The following ADAMTS9 variants were observed in gnomAD, a reference collection of about 807,000 sequenced individuals.
ADAMTS9 encodes A disintegrin and metalloproteinase with thrombospondin motifs 9.
ADAMTS9 carries 107 observed loss-of-function variants against 257.1 expected under a neutral mutation model. The observed-to-expected ratio is 0.42, with a 90% CI of 0.36 to 0.49. The LOEUF is 0.49. ADAMTS9 is among the 20% of genes least tolerant of loss of function. The probability of loss-of-function intolerance (pLI) is 0.03; values close to 1 mark genes in which losing one functional copy is unlikely to be tolerated. For missense variants in ADAMTS9, 2,353 were observed against 2,469.1 expected (o/e 0.95, Z 1.00); for synonymous variants, 982 against 880.9 (o/e 1.11, Z -2.03).
chr3:64,651,064 G>T lies in ADAMTS9; in HGVS notation c.1416C>A (p.Pro472=), dbSNP rs748568141. 1.9e-6 allele frequency: 3 copies of T among 1,607,972 alleles called. No individual in the cohort carries two copies. Among genetic ancestry groups the T allele is most frequent in the Admixed American group, 3.4e-5 (2 of 58,724 alleles). The change falls in exon 9 of 40, where the codon CCC becomes CCA. Residue 472 remains proline, a synonymous_variant. Coordinates refer to ENST00000498707, the MANE Select transcript of ADAMTS9 (RefSeq NM_182920.2). ...MAPTLNFYTN[P]WMWSKCSRKY... is the part of the protein sequence containing the mutation. The stretch of plus-strand genomic sequence containing the variant: ...TTCGACTACACTTTGACCACATCCA[G>T]GGGTTGGTGTAGAAGTTCAGTGTTG...
intron 19 of ADAMTS9, among the ~76,000 whole-genome samples, chr3:64,618,475 T>A (rs1700021690): frequency 6.6e-6 from 1 of 152,194 alleles, no homozygotes; most frequent in African/African-American, 2.4e-5. Context: ...AGCTAGGTAT[T>A]GTGACATTAT....
At chr3:64,587,549 GA>G (rs1233126219) in intron 28 of ADAMTS9, 2 of 152,018 alleles carry the variant, frequency 1.3e-5, no homozygotes, top group Admixed American at 1.3e-4. Context: ...TTCCATAAAG[GA>G]AGGCAAAAAT....
chr3:64,561,793 A>G, intron 29 of ADAMTS9, 42 bp from the exon 30 acceptor site: 1 of 746,280 alleles, frequency 1.3e-6, no homozygotes, highest in Non-Finnish European at 1.9e-6. Context: ...CGGCTCATTT[A>G]TTTTTTGGGG....
intron 11 of ADAMTS9, among the ~76,000 whole-genome samples, chr3:64,642,376 CTAGAGAAGT>C (rs1282100018): frequency 6.6e-6 from 1 of 152,048 alleles, no homozygotes; most frequent in African/African-American, 2.4e-5. Flanking sequence ...TCAACAAGGC[CTAGAGAAGT>C]TACAAGTCTG....
intron 28 of ADAMTS9, among the ~76,000 whole-genome samples, chr3:64,591,439 C>CAA (rs1165135280): frequency 4.3e-5 from 6 of 138,570 alleles, no homozygotes; most frequent in African/African-American, 7.9e-5. Flanking sequence ...CACTCTGTCT[C>CAA]AAAAAAAAAA....
At chr3:64,644,105 A>C (rs906059611) in intron 11 of ADAMTS9, among the ~76,000 whole-genome samples, 2 of 152,242 alleles carry the variant, frequency 1.3e-5, no homozygotes, top group Non-Finnish European at 2.9e-5. Context: ...ACAACTTAGC[A>C]CATGGGGGAC....
chr3:64,683,904 A>G (rs950654566), intron 2 of ADAMTS9, among the ~76,000 whole-genome samples: 5 of 152,174 alleles, frequency 3.3e-5, no homozygotes, highest in Non-Finnish European at 5.9e-5. Context: ...AGAAGTGTCT[A>G]TGAAGGGGGA....
intron 3 of ADAMTS9, among the ~76,000 whole-genome samples, chr3:64,675,575 C>T (rs1029148071): frequency 3.9e-5 from 6 of 152,056 alleles, no homozygotes; most frequent in African/African-American, 7.2e-5. Flanking sequence ...GCTATGATCG[C>T]GCCACTGCAC....
chr3:64,651,450 G>A (rs1198094843), intron 8 of ADAMTS9, among the ~76,000 whole-genome samples: 1 of 152,184 alleles, frequency 6.6e-6, no homozygotes, highest in Non-Finnish European at 1.5e-5. Flanking sequence ...GAATTGCAGA[G>A]GCTCTGAATA....
chr3:64,621,945 GGAGGT>G (rs1488453379), intron 18 of ADAMTS9, among the ~76,000 whole-genome samples: 15 of 151,852 alleles, frequency 9.9e-5, no homozygotes, highest in South Asian at 4.2e-4. Flanking sequence ...TTACAATGGC[GGAGGT>G]GATTTTTGCT....
intron 22 of ADAMTS9, among the ~76,000 whole-genome samples, chr3:64,607,759 C>G (rs1271299197): frequency 6.6e-6 from 1 of 152,084 alleles, no homozygotes; most frequent in African/African-American, 2.4e-5. Flanking sequence ...TTAAACAAAA[C>G]CTTGCAGAAA....
At position 64,516,640 on chromosome 3, in the gene ADAMTS9, C is replaced by A. The variant is rs532066291; in HGVS notation, c.*487G>T. 1 of 152,708 alleles carries A rather than the reference C, an allele frequency of 6.5e-6. No individual in the cohort carries two copies. The highest frequency in any genetic ancestry group is 2.1e-4 in the South Asian group (1 of 4,824). The allele number at this position is 152,708 out of a possible 1,614,324, so 9.5% of individuals were successfully genotyped here. On this transcript the variant is annotated 3_prime_UTR_variant, in exon 40 of 40. Coordinates refer to ENST00000498707, the MANE Select transcript of ADAMTS9 (RefSeq NM_182920.2). ...TACAATCTGTGATATCACTAACATA[C>A]TTATTGGCTGATACTTGCCTAGAAA...
chr3:64,561,316 T>G, intron 30 of ADAMTS9: 2 of 319,886 alleles, frequency 6.3e-6, no homozygotes, highest in Non-Finnish European at 1.1e-5. Flanking sequence ...CCACAGCCTG[T>G]TAAAGTTTTT....
chr3:64,579,013 T>C (rs1466986199), intron 28 of ADAMTS9, among the ~76,000 whole-genome samples: 1 of 152,176 alleles, frequency 6.6e-6, no homozygotes, highest in African/African-American at 2.4e-5. Flanking sequence ...CAAATTCATG[T>C]TCCTGCTTAG....
chr3:64,541,288 C>T (rs763849884), intron 35 of ADAMTS9, 32 bp downstream of exon 35: 9 of 1,613,560 alleles, frequency 5.6e-6, no homozygotes, highest in Non-Finnish European at 7.6e-6. Context: ...GATCTCCAGG[C>T]CTCTGAGATC....
chr3:64,563,208 G>A, intron 29 of ADAMTS9: 1 of 152,104 alleles, frequency 6.6e-6, no homozygotes, highest in Admixed American at 6.5e-5. Flanking sequence ...AGAGCTACAT[G>A]AATAATATTT....
At chr3:64,684,127 G>A (rs1315085288) in intron 2 of ADAMTS9, among the ~76,000 whole-genome samples, 1 of 152,186 alleles carries the variant, frequency 6.6e-6, no homozygotes, top group Non-Finnish European at 1.5e-5. Context: ...TGAAATGCAG[G>A]ATTTGTGGAG....
Position 64,550,936 on chromosome 3 carries a change from A to AGTATGAAAGCTGC in ADAMTS9, c.4824_4825insGCAGCTTTCATAC (p.Leu1609AlafsTer46). 1 of 1,614,154 alleles carries AGTATGAAAGCTGC rather than the reference A, an allele frequency of 6.2e-7. No homozygotes were observed. The highest frequency in any genetic ancestry group is 8.5e-7 in the Non-Finnish European group (1 of 1,180,020). On this transcript the variant is annotated frameshift_variant, in exon 31 of 40. Coordinates refer to ENST00000498707, the MANE Select transcript of ADAMTS9 (RefSeq NM_182920.2). LOFTEE classifies it high-confidence loss of function. ...ATCCAGACATACTCGCAGGGTTGCA[A>AGTATGAAAGCTGC]ACTACAGCTTTCACGGTCCACCGGC...
chr3:64,517,429 T>TTTTTTTTTTTTTTTTTTTG (rs1321284198), intron 39 of ADAMTS9, among the ~76,000 whole-genome samples: 1 of 130,598 alleles, frequency 7.7e-6, no homozygotes, highest in African/African-American at 2.7e-5. Flanking sequence ...TTTTTTTTTT[T>TTTTTTTTTTTTTTTTTTTG]TTTTTTTTTT....
Sources: gnomAD v4.1 joint callset for allele counts (sites outside exome capture counted in the v4.1 genomes callset) on GRCh38, gnomAD v4.1.1 for gene constraint, MANE v1.5 for transcripts, NCBI Gene and HGNC (gene_info 2026-07-23, HGNC 2026-07-21) for gene names.